Variants in METTL22 observed in about 807,000 individuals in gnomAD.
The protein encoded by METTL22 is methyltransferase-like protein 22.
METTL22 carries 51 observed loss-of-function variants against 48.4 expected under a neutral mutation model. That is an observed-to-expected ratio of 1.05 (90% CI 0.84 to 1.33). METTL22 has a LOEUF of 1.33. Among genes scored for constraint, METTL22 ranks in the 40% most tolerant of loss-of-function variants. The pLI, the probability that METTL22 is intolerant of heterozygous loss-of-function variation, is 0.00. For missense variants in METTL22, 678 were observed against 526.9 expected, an observed-to-expected ratio of 1.29 and a Z score of -2.81; for synonymous variants, 255 against 214.1, an observed-to-expected ratio of 1.19 and a Z score of -1.67.
downstream of METTL22, among the ~76,000 whole-genome samples, chr16:8,651,311 C>T (rs1364925790): frequency 3.8e-5 from 5 of 130,992 alleles, no homozygotes; most frequent in East Asian, 5.0e-4. Context: ...GGCGTGAACC[C>T]GGGAGGCGGA....
At chr16:8,652,440 C>A (rs1412553259), downstream of METTL22, among the ~76,000 whole-genome samples, 5 of 111,518 alleles carry the variant, frequency 4.5e-5, no homozygotes, top group African/African-American at 1.8e-4. Context: ...GCCTGGGCAA[C>A]AGAGGGAGAC....
chr16:8,653,235 C>G (rs1027643900), downstream of METTL22, among the ~76,000 whole-genome samples: 3 of 152,210 alleles, frequency 2.0e-5, no homozygotes, highest in Non-Finnish European at 2.9e-5. Flanking sequence ...ATGAATCACT[C>G]TGACAGTTTT....
chr16:8,655,814 C>T, the METTL22 span, among the ~76,000 whole-genome samples: 6 of 152,226 alleles, frequency 3.9e-5, no homozygotes, highest in African/African-American at 7.2e-5. Flanking sequence ...TAAACAAAGC[C>T]GTTCAATCTA....
intron 1 of METTL22, among the ~76,000 whole-genome samples, chr16:8,625,191 C>T (rs970050743): frequency 2.6e-5 from 4 of 151,984 alleles, no homozygotes; most frequent in African/African-American, 9.7e-5. Context: ...GTCATGATGT[C>T]TACAATGTAC....
the METTL22 span, among the ~76,000 whole-genome samples, chr16:8,660,800 G>A: frequency 5.2e-5 from 1 of 19,220 alleles, no homozygotes; most frequent in Admixed American, 6.6e-4. Flanking sequence ...GGAGGAGGAG[G>A]AGGAGGAGGA....
At chr16:8,654,296 ACCACT>A (rs2056935261), downstream of METTL22, among the ~76,000 whole-genome samples, 1 of 152,124 alleles carries the variant, frequency 6.6e-6, no homozygotes, top group Non-Finnish European at 1.5e-5. Flanking sequence ...CAGGCTCTTC[ACCACT>A]CCTGGTAATT....
the METTL22 span, among the ~76,000 whole-genome samples, chr16:8,658,432 A>G: frequency 1.3e-4 from 20 of 152,322 alleles, no homozygotes; most frequent in East Asian, 3.9e-3. Flanking sequence ...TGTGCACCTC[A>G]TGGTAAAGAA....
intron 1 of METTL22, among the ~76,000 whole-genome samples, chr16:8,624,658 G>A (rs2055981819): frequency 6.6e-6 from 1 of 151,784 alleles, no homozygotes; most frequent in African/African-American, 2.4e-5. Context: ...TTGAGCCCAA[G>A]AATTTGAGAC....
At chr16:8,622,617 A>G (rs1488051556) in intron 1 of METTL22, among the ~76,000 whole-genome samples, 1 of 152,190 alleles carries the variant, frequency 6.6e-6, no homozygotes, top group South Asian at 2.1e-4. Flanking sequence ...TCTTCCCAGC[A>G]TTCACTTTAA....
At chr16:8,656,041 C>T in the METTL22 span, among the ~76,000 whole-genome samples, 559 of 152,228 alleles carry the variant, frequency 3.7e-3, 2 homozygotes, top group African/African-American at 0.013. Flanking sequence ...CAAAGTATGG[C>T]GAGTTAGGAT....
At chr16:8,650,247 G>A (rs146111306), downstream of METTL22, among the ~76,000 whole-genome samples, 5 of 152,322 alleles carry the variant, frequency 3.3e-5, no homozygotes, top group East Asian at 3.9e-4. Context: ...TCGCCTAAGC[G>A]AAGGAATTCT....
intron 9 of METTL22, chr16:8,642,825 C>A: frequency 1.8e-6 from 1 of 540,682 alleles, no homozygotes; most frequent in Non-Finnish European, 3.3e-6. Flanking sequence ...TTGGCCAGGG[C>A]ACGGCTAGTT....
rs767501864 is a variant in METTL22 at position 8,641,177 on chromosome 16, C to T, written c.819C>T (p.Leu273=). Residue 273 remains leucine, a synonymous_variant, in exon 7 of 11, where the codon CTC becomes CTT. Transcript: ENST00000381920. ...VKELDWLKDD[L]CTDPKVPFSW... ...AACTGGACTGGCTGAAGGACGACCT[C>T]TGCACAGGTGTGTGTTTCTCTCGGA... 6.2e-7 allele frequency: 1 copy of T among 1,613,978 alleles called. No individual in the cohort carries two copies. The highest frequency in any genetic ancestry group is 8.5e-7 in the Non-Finnish European group (1 of 1,179,948).
At chr16:8,642,279 T>TC (rs1567243486) in intron 8 of METTL22, 72 bp downstream of exon 8, 3 of 1,417,634 alleles carry the variant, frequency 2.1e-6, no homozygotes, top group Middle Eastern at 1.8e-4. Context: ...TCTCCTCACT[T>TC]CCCCCGGGAG....
chr16:8,639,285 A>C lies in METTL22; in HGVS notation c.772+123A>C, dbSNP rs2056519960. On this transcript the variant is annotated intron_variant, in intron 6 of 10. Coordinates refer to ENST00000381920, the MANE Select transcript of METTL22 (RefSeq NM_024109.4). Reference sequence around the variant, plus strand: ...CTGTGTCCCTTGCAGCAGGTGAGTAAGGGGAGCAGGCGTCGTCTGGGCATC... The same window carrying C: ...CTGTGTCCCTTGCAGCAGGTGAGTACGGGGAGCAGGCGTCGTCTGGGCATC... 7.5e-6 allele frequency: 7 copies of C among 933,718 alleles called. No individual in the cohort carries two copies. The South Asian group carries it at 8.0e-5, about 11-fold the overall frequency. The allele number at this position is 933,718 out of a possible 1,614,324, so 57.8% of individuals were successfully genotyped here. A position where few individuals can be genotyped will look rare whatever the true frequency, so the allele number is the denominator to read the frequency against.
intron 3 of METTL22, among the ~76,000 whole-genome samples, chr16:8,634,358 A>G (rs1465352525): frequency 6.6e-6 from 1 of 152,200 alleles, no homozygotes; most frequent in East Asian, 1.9e-4. Flanking sequence ...TTAGACAAGC[A>G]AGTTCTTACT....
At chr16:8,632,567 G>C (rs185823832) in intron 3 of METTL22, among the ~76,000 whole-genome samples, 1 of 152,054 alleles carries the variant, frequency 6.6e-6, no homozygotes, top group Non-Finnish European at 1.5e-5. Flanking sequence ...GGCTGGTCAT[G>C]TCCCCCTTCT....
intron 2 of METTL22, among the ~76,000 whole-genome samples, chr16:8,626,939 T>C (rs1426432898): frequency 6.6e-6 from 1 of 151,798 alleles, no homozygotes; most frequent in Non-Finnish European, 1.5e-5. Flanking sequence ...GCTAATTTTT[T>C]TGTATTTTTG....
chr16:8,659,100 G>A, the METTL22 span, among the ~76,000 whole-genome samples: 1 of 152,162 alleles, frequency 6.6e-6, no homozygotes, highest in Non-Finnish European at 1.5e-5. Context: ...GGAGGCCAAG[G>A]TGGGCAGATA....
Sources: gnomAD v4.1 joint callset for allele counts (sites outside exome capture counted in the v4.1 genomes callset) on GRCh38, gnomAD v4.1.1 for gene constraint, MANE v1.5 for transcripts, NCBI Gene and HGNC (gene_info 2026-07-23, HGNC 2026-07-21) for gene names.